The following CCDC3 variants were observed in gnomAD, a reference collection of about 807,000 sequenced individuals.
The protein encoded by CCDC3 is coiled-coil domain-containing protein 3.
A neutral mutation model predicts 21.4 loss-of-function variants in CCDC3; 24 were observed. That is an observed-to-expected ratio of 1.12 (90% CI 0.81 to 1.58). The LOEUF (loss-of-function observed/expected upper bound fraction) is 1.58, where lower values mean the gene tolerates loss of function less well. CCDC3 is among the 40% of genes most tolerant of loss of function. CCDC3 has a pLI of 0.00. For missense variants in CCDC3, 425 were observed against 360.9 expected, an observed-to-expected ratio of 1.18 and a Z score of -1.44; for synonymous variants, 186 against 166.0, an observed-to-expected ratio of 1.12 and a Z score of -0.93.
chr10:12,936,818 TAGG>T (rs1169459401), intron 2 of CCDC3, among the ~76,000 whole-genome samples: 1 of 152,162 alleles, frequency 6.6e-6, no homozygotes, highest in East Asian at 1.9e-4. Context: ...GAGGCTGAGG[TAGG>T]AGGATGGCAT....
chr10:13,058,448 G>C (rs931069364), intron 4 of CCDC3: 9 of 759,692 alleles, frequency 1.2e-5, no homozygotes, highest in Non-Finnish European at 2.2e-5. Flanking sequence ...TGCATATGCT[G>C]CGCAGACTAT....
Position 12,921,996 on chromosome 10 carries a change from C to G in CCDC3, c.550-23317G>C, listed in dbSNP as rs368315969. 3.3e-5 allele frequency among the ~76,000 whole-genome samples: 5 copies of G among 152,270 alleles called. No individual in the cohort carries two copies. The South Asian group carries it at 8.3e-4, about 25-fold the overall frequency. On this transcript the variant is annotated intron_variant, in intron 2 of 2. Coordinates refer to ENST00000378825, the MANE Select transcript of CCDC3 (RefSeq NM_031455.4). ...TCTCCTACTTCAGCCTTCCAAAGTGCTGGGATTACAGTCATGAGCCATTGT... is the reference window on the plus strand; with the variant it reads ...TCTCCTACTTCAGCCTTCCAAAGTGGTGGGATTACAGTCATGAGCCATTGT...
At chr10:12,921,045 C>T (rs959344945) in intron 2 of CCDC3, among the ~76,000 whole-genome samples, 4 of 152,176 alleles carry the variant, frequency 2.6e-5, no homozygotes, top group Non-Finnish European at 4.4e-5. Flanking sequence ...CAACTACTCT[C>T]AAGAAAAATG....
At chr10:12,952,249 T>C (rs181412700) in intron 2 of CCDC3, among the ~76,000 whole-genome samples, 30 of 152,312 alleles carry the variant, frequency 2.0e-4, no homozygotes, top group Admixed American at 4.6e-4. Flanking sequence ...CCATCCTCAG[T>C]TCTTAGGATA....
intron 4 of CCDC3, among the ~76,000 whole-genome samples, chr10:13,059,129 C>T (rs761053768): frequency 3.9e-5 from 6 of 152,194 alleles, no homozygotes; most frequent in South Asian, 4.1e-4. Context: ...TGCTGGCATA[C>T]GCACACTTCG....
chr10:12,918,270 TC>T (rs1455714741), intron 2 of CCDC3, among the ~76,000 whole-genome samples: 5 of 152,210 alleles, frequency 3.3e-5, no homozygotes, highest in African/African-American at 1.2e-4. Flanking sequence ...GATAGGATAT[TC>T]CTTTTTCAAA....
intron 2 of CCDC3, among the ~76,000 whole-genome samples, chr10:12,925,187 C>T (rs1023442327): frequency 6.6e-6 from 1 of 152,136 alleles, no homozygotes; most frequent in African/African-American, 2.4e-5. Context: ...TGGCTGGCAT[C>T]CCTCAGGAAG....
chr10:12,910,498 A>G (rs1468825028), intron 2 of CCDC3, among the ~76,000 whole-genome samples: 1 of 151,258 alleles, frequency 6.6e-6, no homozygotes, highest in Admixed American at 6.6e-5. Flanking sequence ...GACAAGCACA[A>G]TGATACGTGT....
intron 5 of CCDC3, among the ~76,000 whole-genome samples, chr10:13,029,274 G>T (rs1056282488): frequency 1.3e-5 from 2 of 152,156 alleles, no homozygotes; most frequent in African/African-American, 4.8e-5. Flanking sequence ...TGACGGTCCT[G>T]ACTGTTAGAA....
intron 2 of CCDC3, among the ~76,000 whole-genome samples, chr10:12,957,749 C>G (rs1009156689): frequency 1.3e-5 from 2 of 152,230 alleles, no homozygotes; most frequent in Non-Finnish European, 2.9e-5. Flanking sequence ...TGATTGCAGG[C>G]TTCCTGAGAC....
At chr10:13,055,977 G>A (rs1836676049) in intron 4 of CCDC3, among the ~76,000 whole-genome samples, 1 of 152,154 alleles carries the variant, frequency 6.6e-6, no homozygotes, top group African/African-American at 2.4e-5. Flanking sequence ...TCCCTATTGT[G>A]CAGAAACATG....
At chr10:12,942,564 TC>T (rs1051122409) in intron 2 of CCDC3, among the ~76,000 whole-genome samples, 4 of 152,126 alleles carry the variant, frequency 2.6e-5, no homozygotes, top group African/African-American at 9.7e-5. Context: ...CGCCCTATCT[TC>T]CCTTTTCTTT....
At chr10:13,078,080 G>A (rs1432217363) in intron 3 of CCDC3, among the ~76,000 whole-genome samples, 5 of 152,116 alleles carry the variant, frequency 3.3e-5, no homozygotes, top group African/African-American at 4.8e-5. Context: ...GCAACCTACA[G>A]AATGGAAGAA....
At chr10:12,928,910 A>T (rs183945952) in intron 2 of CCDC3, among the ~76,000 whole-genome samples, 33 of 152,222 alleles carry the variant, frequency 2.2e-4, no homozygotes, top group African/African-American at 7.9e-4. Flanking sequence ...CAAGCTTTGG[A>T]GGCACCTGGT....
At chr10:12,916,840 G>A (rs190585557) in intron 2 of CCDC3, among the ~76,000 whole-genome samples, 267 of 152,310 alleles carry the variant, frequency 1.8e-3, no homozygotes, top group African/African-American at 6.1e-3. Flanking sequence ...GGGCCTGTCT[G>A]GTGCTGGGGT....
chr10:13,017,317 A>C (rs1452169660), intron 5 of CCDC3, among the ~76,000 whole-genome samples: 1 of 151,780 alleles, frequency 6.6e-6, no homozygotes, highest in African/African-American at 2.4e-5. Flanking sequence ...AAGAGTTTGC[A>C]ACTAGCCTGG....
At position 12,947,537 on chromosome 10, in the gene CCDC3, G is replaced by C. The variant is rs113866217; in HGVS notation, c.550-48858C>G. On this transcript the variant is annotated intron_variant, in intron 2 of 2. Transcript: ENST00000378825. ...AAATACATGAGGCACTGATAAAATG[G>C]CCTGTGACTTTGTCACCTCAGCTAC... 4.3e-3 allele frequency among the ~76,000 whole-genome samples: 662 copies of C among 152,244 alleles called. 5 individuals are homozygous for C. The highest frequency in any genetic ancestry group is 0.015 in the African/African-American group (624 of 41,544).
At chr10:12,901,695 G>C (rs539629094) in intron 2 of CCDC3, among the ~76,000 whole-genome samples, 1 of 152,254 alleles carries the variant, frequency 6.6e-6, no homozygotes, top group African/African-American at 2.4e-5. Context: ...CCATGCCCTC[G>C]TGCACAGTAA....
chr10:12,898,581 C>G lies in CCDC3; in HGVS notation c.648G>C (p.Gln216His), dbSNP rs551982549. 53 of 1,614,250 alleles carry G rather than the reference C, an allele frequency of 3.3e-5. 1 individual carries two copies. In the South Asian group the frequency reaches 5.6e-4, roughly 17 times the overall value. Residue 216 changes from glutamine to histidine, a missense_variant, in exon 3 of 3, where the codon CAG (glutamine) becomes CAC (histidine). Physicochemically the swap from Gln to His is conservative, Grantham distance 24. Coordinates refer to ENST00000378825, the MANE Select transcript of CCDC3 (RefSeq NM_031455.4). ...TGACCTTCTTCACTCGCTCCCGGAG[C>G]TGCCGGTTGCGCTTCTCCAGGGTGG... Reference protein sequence around the residue: ...KVATLEKRNRQLRERVKKVKR... With the variant: ...KVATLEKRNRHLRERVKKVKR...
Sources: allele counts gnomAD v4.1 joint callset (sites outside exome capture counted in the v4.1 genomes callset), GRCh38; gene constraint gnomAD v4.1.1; transcripts MANE v1.5; gene names NCBI Gene and HGNC (gene_info 2026-07-23, HGNC 2026-07-21).